Variants in HK1 observed in about 807,000 individuals in gnomAD.
HK1 encodes hexokinase-1.
A neutral mutation model predicts 91.6 loss-of-function variants in HK1; 28 were observed. That is an observed-to-expected ratio of 0.31 (90% confidence interval 0.23 to 0.42). The LOEUF (loss-of-function observed/expected upper bound fraction) is 0.42. Ranked by LOEUF, HK1 falls within the 10% of genes least tolerant of loss-of-function variation. HK1 has a pLI of 1.00. For missense variants in HK1, 770 were observed against 1,219.8 expected, an observed-to-expected ratio of 0.63 and a Z score of 5.49; for synonymous variants, 430 against 468.1, an observed-to-expected ratio of 0.92 and a Z score of 1.05.
rs755443070 is a variant in HK1, at chr10:69,360,000, G to A, written c.330G>A (p.Glu110=). Residue 110 remains glutamate, a synonymous_variant, in exon 3 of 18, where the codon GAG becomes GAA. Transcript: ENST00000359426. ...ACCAGAATGTTCACATGGAGTCCGA[G>A]GTTTATGACACCCCAGAGAACATCG... ...EKNQNVHMES[E]VYDTPENIVH... The A allele has an allele frequency of 1.9e-6, 3 of 1,614,206 alleles. No individual in the cohort carries two copies. The highest frequency in any genetic ancestry group is 2.2e-5 in the South Asian group (2 of 91,084).
chr10:69,280,313 T>G (rs757020250), intron 1 of HK1, among the ~76,000 whole-genome samples: 1 of 152,152 alleles, frequency 6.6e-6, no homozygotes, highest in Non-Finnish European at 1.5e-5. Context: ...GAGACAGGGT[T>G]TCACTGTGTT....
chr10:69,365,087 C>T (rs2305199), intron 4 of HK1, among the ~76,000 whole-genome samples, 185 bp downstream of exon 4: 54,864 of 151,926 alleles, frequency 0.36, 10,595 homozygotes, highest in African/African-American at 0.49. Flanking sequence ...ACTTAAACTT[C>T]AGTTATTTAT....
chr10:69,384,721 A>G, intron 11 of HK1, 75 bp from the exon 12 acceptor site: 1 of 1,596,036 alleles, frequency 6.3e-7, no homozygotes, highest in Non-Finnish European at 8.6e-7. Context: ...GTGTGTGTAT[A>G]CACACTTTGG....
chr10:69,291,667 G>A (rs1042251801), intron 3 of HK1, among the ~76,000 whole-genome samples: 3 of 152,184 alleles, frequency 2.0e-5, no homozygotes, highest in Non-Finnish European at 4.4e-5. Flanking sequence ...AAAGTGAGGT[G>A]TGTGACTCCA....
chr10:69,330,074 C>G lies in HK1; in HGVS notation c.63+11064C>G, dbSNP rs145359519. Among the ~76,000 whole-genome samples the G allele has an allele frequency of 3.0e-3, 463 of 152,276 alleles. 2 individuals are homozygous for G. The highest frequency in any genetic ancestry group is 0.01 in the African/African-American group (429 of 41,538). ...AACCCCCTCAATGCTCCTTGCGATGCCCACTCCTGGCCTCTGCCTGGGGGT... is the reference window on the plus strand; with the variant it reads ...AACCCCCTCAATGCTCCTTGCGATGGCCACTCCTGGCCTCTGCCTGGGGGT... On this transcript the variant is annotated intron_variant, in intron 1 of 17. Coordinates refer to ENST00000359426, the MANE Select transcript of HK1 (RefSeq NM_000188.3).
At chr10:69,315,798 G>GGT, upstream of HK1, 1 of 742,476 alleles carries the variant, frequency 1.3e-6, no homozygotes, top group South Asian at 1.4e-5. Context: ...GGTTGCATGA[G>GGT]GGGTTGGGGG....
intron 1 of HK1, among the ~76,000 whole-genome samples, chr10:69,282,227 T>G (rs936266682): frequency 6.6e-6 from 1 of 152,188 alleles, no homozygotes; most frequent in African/African-American, 2.4e-5. Context: ...CCTGGCTCAA[T>G]GCACATGAGT....
chr10:69,332,546 CT>C (rs919692453), intron 1 of HK1, among the ~76,000 whole-genome samples: 1 of 151,538 alleles, frequency 6.6e-6, no homozygotes, highest in Non-Finnish European at 1.5e-5. Context: ...ACCCAGCTAA[CT>C]TTTTTTTATA....
At chr10:69,274,421 A>AACTTTGGT (rs1844335815) in intron 1 of HK1, among the ~76,000 whole-genome samples, 1 of 152,064 alleles carries the variant, frequency 6.6e-6, no homozygotes, top group South Asian at 2.1e-4. Context: ...AACATGGTGA[A>AACTTTGGT]ACCTTGTCTC....
intron 2 of HK1, among the ~76,000 whole-genome samples, chr10:69,284,974 G>A (rs1225046294): frequency 3.3e-5 from 5 of 151,892 alleles, no homozygotes; most frequent in East Asian, 2.0e-4. Flanking sequence ...CAGCCACCAC[G>A]CCCGGCTAAT....
chr10:69,370,252 G>T (rs933260612), intron 7 of HK1, among the ~76,000 whole-genome samples: 1 of 152,114 alleles, frequency 6.6e-6, no homozygotes, highest in Non-Finnish European at 1.5e-5. Flanking sequence ...GGGGAATGCG[G>T]CCAGAGTTGA....
chr10:69,318,334 C>T, upstream of HK1: 2 of 601,904 alleles, frequency 3.3e-6, no homozygotes, highest in Non-Finnish European at 4.2e-6. Context: ...TTTCCACGCC[C>T]ACTTCTGCAA....
chr10:69,384,765 A>G, intron 11 of HK1, 31 bp from the exon 12 acceptor site: 1 of 1,613,946 alleles, frequency 6.2e-7, no homozygotes, highest in Non-Finnish European at 8.5e-7. Context: ...AACCACAGAG[A>G]GCACGGGCGA....
chr10:69,303,271 G>A (rs1046844004), intron 5 of HK1, among the ~76,000 whole-genome samples: 3 of 152,054 alleles, frequency 2.0e-5, no homozygotes, highest in African/African-American at 7.2e-5. Flanking sequence ...GCTTTGTTTT[G>A]TATGGGCATC....
chr10:69,297,753 A>G (rs1333494734), intron 4 of HK1, among the ~76,000 whole-genome samples: 3 of 150,724 alleles, frequency 2.0e-5, no homozygotes. Context: ...AAATTTAGCC[A>G]GACATGGTGG....
At chr10:69,353,137 G>T (rs1359347246) in intron 2 of HK1, among the ~76,000 whole-genome samples, 8 of 152,144 alleles carry the variant, frequency 5.3e-5, no homozygotes. Context: ...TCAGGATGGG[G>T]GGCTGGTTGC....
rs1326954239 is a variant in HK1 at position 69,380,476 on chromosome 10, T to C, written c.1265+381T>C. ...TGTCAAAAGTCGAGATGGAGATTTC[T>C]GTAGCTGTCGGCTCCTCTGGGTGGA... On this transcript the variant is annotated intron_variant, in intron 9 of 17. Transcript: ENST00000359426. This position sits in a 1 kb window ranked among gnomAD's most constrained non-coding sequence, Gnocchi z 4.0. 6.6e-6 allele frequency among the ~76,000 whole-genome samples: 1 copy of C among 152,242 alleles called. No individual in the cohort carries two copies.
intron 1 of HK1, among the ~76,000 whole-genome samples, chr10:69,334,036 G>A (rs544447212): frequency 3.3e-5 from 5 of 152,088 alleles, no homozygotes; most frequent in East Asian, 1.9e-4. Flanking sequence ...GCTTGAACCC[G>A]GGAGGTGGAG....
At chr10:69,346,432 A>G (rs928316628) in intron 2 of HK1, among the ~76,000 whole-genome samples, 2 of 152,160 alleles carry the variant, frequency 1.3e-5, no homozygotes, top group African/African-American at 4.8e-5. Context: ...TTCCAGAAGC[A>G]TTTCTGAAAA....
Sources: gnomAD v4.1 joint callset for allele counts (sites outside exome capture counted in the v4.1 genomes callset) on GRCh38, gnomAD v4.1.1 for gene constraint, Gnocchi (gnomAD v3.1) non-coding constraint, MANE v1.5 for transcripts, NCBI Gene and HGNC (gene_info 2026-07-23, HGNC 2026-07-21) for gene names.